The following VWA8 variants were observed in gnomAD, a reference collection of about 807,000 sequenced individuals.
VWA8 encodes von Willebrand factor A domain containing 8, also known as von Willebrand factor A domain-containing protein 8.
Under a neutral mutation model 241.5 loss-of-function variants are expected in VWA8, and 221 were observed. The ratio of observed to expected loss-of-function variants is 0.91; its 90% CI spans 0.82 to 1.02. The LOEUF (loss-of-function observed/expected upper bound fraction) is 1.02. Among genes scored for constraint, VWA8 ranks in the 50% least tolerant of loss-of-function variants. VWA8 has a pLI of 0.00. For synonymous variants in VWA8, 852 were observed against 827.1 expected (o/e 1.03, Z -0.52); for missense variants, 2,322 against 2,328.7 (o/e 1.00, Z 0.06).
At position 41,685,111 on chromosome 13, in the gene VWA8, A is replaced by T; in HGVS notation, c.4263T>A (p.Asp1421Glu). The T allele has an allele frequency of 6.2e-7, 1 of 1,613,686 alleles. No homozygotes were observed. The change falls in exon 35 of 45, where the codon GAT becomes GAA. Residue 1421 changes from aspartate to glutamate, a missense_variant. Physicochemically the swap from Asp to Glu is conservative, Grantham distance 45. Transcript: ENST00000379310. Reference protein sequence around the residue: ...PKQSNCVTLLDTNQVVRILPP... With the variant: ...PKQSNCVTLLETNQVVRILPP... ...GTAAAATCCTCACTACCTGATTCGT[A>T]TCTAAAAGAGTCACACAATTGCTTT...
At chr13:41,698,904 G>A (rs777987367) in intron 29 of VWA8, among the ~76,000 whole-genome samples, 167 bp downstream of exon 29, 1 of 152,164 alleles carries the variant, frequency 6.6e-6, no homozygotes. Context: ...GAGAAAAGAA[G>A]ATATTAGCCT....
intron 40 of VWA8, among the ~76,000 whole-genome samples, chr13:41,602,557 AG>A (rs537359418): frequency 6.6e-6 from 1 of 152,166 alleles, no homozygotes; most frequent in Non-Finnish European, 1.5e-5. Flanking sequence ...GTTTCTGTAG[AG>A]GTTAAATAGC....
At position 41,830,583 on chromosome 13, in the gene VWA8, C is replaced by A; in HGVS notation, c.1646G>T (p.Arg549Met). The change falls in exon 14 of 45, where the codon AGG (arginine) becomes ATG (methionine). Residue 549 changes from arginine (R) to methionine (M), a missense_variant. Coordinates refer to ENST00000379310, the MANE Select transcript of VWA8 (RefSeq NM_015058.2). Reference protein sequence around the residue: ...YDGSRLLREDRYMRLKEELQL... With the variant: ...YDGSRLLREDMYMRLKEELQL... ...CAGCTCCTCCTTTAAACGCATATAC[C>A]TGTCTTCTCTCAGCAGCCTAGAACC... 1 of 1,613,906 alleles carries A rather than the reference C, an allele frequency of 6.2e-7. No individual in the cohort carries two copies. The highest frequency in any genetic ancestry group is 8.5e-7 in the Non-Finnish European group (1 of 1,179,896).
At chr13:41,726,970 G>A (rs1421364283) in intron 24 of VWA8, among the ~76,000 whole-genome samples, 1 of 152,118 alleles carries the variant, frequency 6.6e-6, no homozygotes, top group Admixed American at 6.6e-5. Context: ...ACTCCAGTCT[G>A]GGTGACAGAG....
chr13:41,930,493 C>G (rs1350935868), intron 2 of VWA8, among the ~76,000 whole-genome samples: 1 of 152,112 alleles, frequency 6.6e-6, no homozygotes, highest in Non-Finnish European at 1.5e-5. Flanking sequence ...AATAAAGAAA[C>G]CATGATACAG....
chr13:41,789,592 G>A lies in VWA8; in HGVS notation c.2064-2049C>T, dbSNP rs188008780. On this transcript the variant is annotated intron_variant, in intron 17 of 44. Coordinates refer to ENST00000379310, the MANE Select transcript of VWA8 (RefSeq NM_015058.2). Reference sequence around the variant, plus strand: ...AGTATAGTAGTTACACTAAGCTAACGCAAATAACTGTCTTTGTCACAGGAG... The same window carrying A: ...AGTATAGTAGTTACACTAAGCTAACACAAATAACTGTCTTTGTCACAGGAG... Among the ~76,000 whole-genome samples, 281 of 152,276 alleles carry A rather than the reference G, an allele frequency of 1.8e-3. 1 individual carries two copies. Among genetic ancestry groups the A allele is most frequent in the South Asian group, 0.012 (57 of 4,832 alleles).
intron 37 of VWA8, among the ~76,000 whole-genome samples, chr13:41,618,064 C>T (rs9594588): frequency 0.033 from 4,997 of 152,234 alleles, 275 homozygotes; most frequent in African/African-American, 0.11. Context: ...CTGTCTTCCA[C>T]AATGGTTGAA....
intron 32 of VWA8, 150 bp from the exon 33 acceptor site, chr13:41,690,425 A>G (rs1462367947): frequency 1.4e-5 from 9 of 631,276 alleles, no homozygotes; most frequent in Admixed American, 3.1e-5. Flanking sequence ...GAATTAACAA[A>G]TAACTTCTCA....
chr13:41,803,124 C>A (rs921430121), intron 17 of VWA8, among the ~76,000 whole-genome samples: 1 of 152,250 alleles, frequency 6.6e-6, no homozygotes, highest in Non-Finnish European at 1.5e-5. Context: ...TTCCCTAATG[C>A]AGGTATGGCT....
intron 25 of VWA8, among the ~76,000 whole-genome samples, chr13:41,720,345 T>C (rs1426983196): frequency 2.0e-5 from 3 of 152,148 alleles, no homozygotes; most frequent in Non-Finnish European, 4.4e-5. Context: ...GCTGGCTGAA[T>C]TGGACTTACG....
chr13:41,938,366 A>G (rs1303209305), intron 2 of VWA8, among the ~76,000 whole-genome samples: 1 of 152,052 alleles, frequency 6.6e-6, no homozygotes, highest in African/African-American at 2.4e-5. Context: ...TTAAAAATAC[A>G]TCTAGGCCAG....
intron 37 of VWA8, 56 bp downstream of exon 37, chr13:41,670,890 A>C: frequency 6.3e-7 from 1 of 1,588,846 alleles, no homozygotes; most frequent in Non-Finnish European, 8.6e-7. Context: ...GGCATCTGGA[A>C]CTAAATTTAT....
intron 4 of VWA8, among the ~76,000 whole-genome samples, 182 bp downstream of exon 4, chr13:41,907,404 G>C (rs529006390): frequency 7.9e-5 from 12 of 152,244 alleles, no homozygotes; most frequent in Admixed American, 2.6e-4. Context: ...TTCTCATTTA[G>C]TACAAAACCA....
At chr13:41,880,506 G>A (rs1307268718) in intron 9 of VWA8, among the ~76,000 whole-genome samples, 5 of 152,190 alleles carry the variant, frequency 3.3e-5, no homozygotes, top group Non-Finnish European at 7.3e-5. Flanking sequence ...TTTACCAACA[G>A]TGCCAATATT....
intron 20 of VWA8, among the ~76,000 whole-genome samples, chr13:41,774,984 G>T (rs956531962): frequency 6.6e-5 from 10 of 152,180 alleles, no homozygotes; most frequent in Non-Finnish European, 1.5e-4. Flanking sequence ...ATGGGCAAAG[G>T]TAAGAGAAAG....
chr13:41,861,644 A>G (rs1873011683), intron 12 of VWA8, among the ~76,000 whole-genome samples: 1 of 152,208 alleles, frequency 6.6e-6, no homozygotes, highest in Non-Finnish European at 1.5e-5. Context: ...GCATTTGTAT[A>G]CACCAATAAC....
intron 41 of VWA8, among the ~76,000 whole-genome samples, chr13:41,588,719 C>T (rs1308505768): frequency 7.2e-6 from 1 of 138,104 alleles, no homozygotes; most frequent in Non-Finnish European, 1.5e-5. Context: ...GACCCTGTCT[C>T]TAGAAAAAAA....
rs563350063 is a variant in VWA8, at chr13:41,656,211, T to A, written c.4611+14735A>T. On this transcript the variant is annotated intron_variant, in intron 37 of 44. Coordinates refer to ENST00000379310, the MANE Select transcript of VWA8 (RefSeq NM_015058.2). Reference sequence around the variant, plus strand: ...TATGAAGGCAGAGCAGTTGAGGGAATGATGACTTACAATCAAATGCAGCAC... The same window carrying A: ...TATGAAGGCAGAGCAGTTGAGGGAAAGATGACTTACAATCAAATGCAGCAC... Among the ~76,000 whole-genome samples the A allele has an allele frequency of 1.4e-3, 211 of 152,210 alleles. 1 individual carries two copies. The highest frequency in any genetic ancestry group is 2.4e-3 in the Non-Finnish European group (164 of 68,038).
intron 4 of VWA8, among the ~76,000 whole-genome samples, chr13:41,906,458 A>G (rs982429888): frequency 3.3e-5 from 5 of 152,134 alleles, no homozygotes; most frequent in African/African-American, 1.2e-4. Context: ...ATCACAGTAT[A>G]CATACTGTCT....
Sources: allele counts gnomAD v4.1 joint callset (sites outside exome capture counted in the v4.1 genomes callset), GRCh38; gene constraint gnomAD v4.1.1; transcripts MANE v1.5; gene names NCBI Gene and HGNC (gene_info 2026-07-23, HGNC 2026-07-21).